The following MIS18BP1 variants were observed in gnomAD, a reference collection of about 807,000 sequenced individuals.
MIS18BP1 encodes the protein mis18-binding protein 1.
In MIS18BP1, 72 loss-of-function variants were observed where a neutral mutation model predicts 116.1. The ratio of observed to expected loss-of-function variants is 0.62; its 90% CI spans 0.51 to 0.75. MIS18BP1 has a LOEUF of 0.75. Ranked by LOEUF, MIS18BP1 falls within the 30% of genes least tolerant of loss-of-function variation. The pLI, the probability that MIS18BP1 is intolerant of heterozygous loss-of-function variation, is 0.00. For missense variants in MIS18BP1, 1,363 were observed against 1,303.2 expected (o/e 1.05, Z -0.71); for synonymous variants, 386 against 427.0 (o/e 0.90, Z 1.18).
intron 14 of MIS18BP1, among the ~76,000 whole-genome samples, chr14:45,206,848 T>C (rs1400692274): frequency 1.3e-5 from 2 of 152,184 alleles, no homozygotes; most frequent in Non-Finnish European, 2.9e-5. Flanking sequence ...TACCATTATC[T>C]CTCCTGTTCA....
rs1484596325 is a variant in MIS18BP1 at position 45,242,468 on chromosome 14, G to A, written c.709C>T (p.Arg237Ter). ...TGAGCTCTAGTTAATGTCTTGTTTC[G>A]GGCTTCTACAGCCAAAAAATTTTCC... Reference protein sequence around the residue: ...EQENFLAVEARNKTLTRAQLA... With the variant: ...EQENFLAVEA The change falls in exon 4 of 17, where the codon CGA becomes TGA. Residue 237 changes from arginine (R) to a stop codon, truncating the protein, a stop_gained. Coordinates refer to ENST00000310806, the MANE Select transcript of MIS18BP1 (RefSeq NM_018353.5). LOFTEE classifies it high-confidence loss of function. The A allele has an allele frequency of 2.5e-6, 4 of 1,604,340 alleles. No individual in the cohort carries two copies. The highest frequency in any genetic ancestry group is 3.4e-6 in the Non-Finnish European group (4 of 1,177,530).
rs765934295 is a variant in MIS18BP1 at position 45,242,060 on chromosome 14, C to A, written c.1117G>T (p.Val373Phe). The change falls in exon 4 of 17, where the codon GTT (valine) becomes TTT (phenylalanine). Residue 373 changes from valine (V) to phenylalanine (F), a missense_variant. Coordinates refer to ENST00000310806, the MANE Select transcript of MIS18BP1 (RefSeq NM_018353.5). Reference protein sequence around the residue: ...KLSPPRIFQTVTNGLKKNQVV... With the variant: ...KLSPPRIFQTFTNGLKKNQVV... ...TGATTTTTTTTAAGTCCATTTGTAA[C>A]AGTTTGAAATATTCTTGGAGGAGAA... is the stretch of plus-strand genomic sequence containing the variant. The A allele has an allele frequency of 6.2e-7, 1 of 1,609,710 alleles. No homozygotes were observed. Among genetic ancestry groups the A allele is most frequent in the Non-Finnish European group, 8.5e-7 (1 of 1,178,330 alleles).
rs188544042 is a variant in MIS18BP1, at chr14:45,203,896, A to G, written c.*213T>C. 1.8e-5 allele frequency: 7 copies of G among 382,710 alleles called. No homozygotes were observed. Among genetic ancestry groups the G allele is most frequent in the African/African-American group, 8.4e-5 (4 of 47,522 alleles). The allele number at this position is 382,710 out of a possible 1,614,324, so 23.7% of individuals were successfully genotyped here. A position where few individuals can be genotyped will look rare whatever the true frequency, so the allele number is the denominator to read the frequency against. On this transcript the variant is annotated 3_prime_UTR_variant, in exon 17 of 17. Transcript: ENST00000310806. The stretch of plus-strand genomic sequence containing the variant: ...TTAATATGCAAAAACAAATTTACAG[A>G]TATCTACACGAGCAAAAACAATTTT...
At chr14:45,232,358 A>G (rs1027463341) in intron 7 of MIS18BP1, among the ~76,000 whole-genome samples, 3 of 149,754 alleles carry the variant, frequency 2.0e-5, no homozygotes, top group Non-Finnish European at 3.0e-5. Context: ...CGGAGCTTGC[A>G]ATGAGCTGAG....
At chr14:45,218,599 A>C in intron 11 of MIS18BP1, 145 bp from the exon 12 acceptor site, 1 of 798,852 alleles carries the variant, frequency 1.3e-6, no homozygotes, top group Non-Finnish European at 1.9e-6. Flanking sequence ...ATTAAGAAAG[A>C]TATTATTCCT....
At chr14:45,210,162 G>T in intron 14 of MIS18BP1, 2 of 386,818 alleles carry the variant, frequency 5.2e-6, no homozygotes, top group Non-Finnish European at 4.5e-6. Flanking sequence ...ATTTCGAATT[G>T]ATCCAGAAGT....
At chr14:45,249,728 G>A (rs552299278) in intron 1 of MIS18BP1, among the ~76,000 whole-genome samples, 139 of 152,188 alleles carry the variant, frequency 9.1e-4, no homozygotes, top group African/African-American at 3.1e-3. Flanking sequence ...AAAATTAGCC[G>A]GATGTGGTGG....
intron 4 of MIS18BP1, among the ~76,000 whole-genome samples, chr14:45,239,604 C>T (rs572552050): frequency 6.6e-6 from 1 of 152,222 alleles, no homozygotes; most frequent in African/African-American, 2.4e-5. Flanking sequence ...TTAGTGTTTT[C>T]TATTGAGATG....
At position 45,206,127 on chromosome 14, in the gene MIS18BP1, TATG is replaced by T. The variant is rs758179544; in HGVS notation, c.3193_3195del (p.His1065del). On this transcript the variant is annotated inframe_deletion, in exon 15 of 17. Coordinates refer to ENST00000310806, the MANE Select transcript of MIS18BP1 (RefSeq NM_018353.5). Reference sequence around the variant, plus strand: ...CCCCAGACAATACCACCATTACTTTTATGATATTTTTGCATACGAAAAACATAT... The same window carrying T: ...CCCCAGACAATACCACCATTACTTTTATATTTTTGCATACGAAAAACATAT... 35 of 1,609,480 alleles carry T rather than the reference TATG, an allele frequency of 2.2e-5. No homozygotes were observed. In the African/African-American group the frequency reaches 2.8e-4, roughly 13 times the overall value.
intron 3 of MIS18BP1, 101 bp from the exon 4 acceptor site, chr14:45,242,619 CA>C (rs1484792929): frequency 4.5e-5 from 67 of 1,472,794 alleles, no homozygotes; most frequent in Non-Finnish European, 6.0e-5. Context: ...CCCTCCTGCC[CA>C]GTCTTTCTCT....
Position 45,227,789 on chromosome 14 carries a change from C to T in MIS18BP1, c.1620G>A (p.Glu540=). 2 of 1,613,986 alleles carry T rather than the reference C, an allele frequency of 1.2e-6. No homozygotes were observed. The highest frequency in any genetic ancestry group is 1.3e-5 in the African/African-American group (1 of 75,026). The change falls in exon 9 of 17, where the codon GAG becomes GAA. Residue 540 remains glutamate (E), a synonymous_variant. Coordinates refer to ENST00000310806, the MANE Select transcript of MIS18BP1 (RefSeq NM_018353.5). ...NLELKSNKHS[E]SPGATELNMC... ...TGTTTAATTCTGTAGCTCCTGGTGA[C>T]TCACTGTGCTTATTACTCTTCAGTT...
At position 45,237,706 on chromosome 14, in the gene MIS18BP1, C is replaced by G; in HGVS notation, c.1159G>C (p.Glu387Gln). The change falls in exon 5 of 17, where the codon GAA (glutamate) becomes CAA (glutamine). Residue 387 changes from glutamate to glutamine, a missense_variant. Transcript: ENST00000310806. ...TTATTGATGCTTTTAATCATCCATT[C>G]CTGTAGCTGAACTACCTAATCAAGT... ...LKKNQVVQLQEWMIKSINNNT... is the reference protein window; with the variant it reads ...LKKNQVVQLQQWMIKSINNNT... 6.2e-7 allele frequency: 1 copy of G among 1,602,346 alleles called. No individual in the cohort carries two copies. The highest frequency in any genetic ancestry group is 2.3e-5 in the East Asian group (1 of 43,948).
chr14:45,206,779 CT>C (rs1890530466), intron 14 of MIS18BP1, among the ~76,000 whole-genome samples: 1 of 152,116 alleles, frequency 6.6e-6, no homozygotes, highest in Non-Finnish European at 1.5e-5. Flanking sequence ...ATCTTGCTGC[CT>C]CTCTTGGTTT....
intron 2 of MIS18BP1, among the ~76,000 whole-genome samples, chr14:45,246,302 A>G (rs560876104): frequency 7.2e-5 from 11 of 152,262 alleles, no homozygotes; most frequent in African/African-American, 2.6e-4. Context: ...TACTCACTCC[A>G]TGACACACTA....
intron 14 of MIS18BP1, 99 bp from the exon 15 acceptor site, chr14:45,206,269 A>G: frequency 1.3e-6 from 1 of 744,570 alleles, no homozygotes. Context: ...TTGAACAACA[A>G]TTGCCTAAAT....
chr14:45,204,457 T>C lies in MIS18BP1; in HGVS notation c.3241-4A>G. The C allele has an allele frequency of 3.1e-6, 5 of 1,589,088 alleles. No individual in the cohort carries two copies. Among genetic ancestry groups the C allele is most frequent in the Non-Finnish European group, 4.3e-6 (5 of 1,170,618 alleles). On this transcript the variant is annotated splice_polypyrimidine_tract_variant and splice_region_variant and intron_variant, in intron 15 of 16. Transcript: ENST00000310806. ...GAGTTGAGAAATCAGTTTCAACCTATAAAAGAGTTACTATTAATAGCTAAA... is the reference window on the plus strand; with the variant it reads ...GAGTTGAGAAATCAGTTTCAACCTACAAAAGAGTTACTATTAATAGCTAAA...
chr14:45,203,455 A>C lies in MIS18BP1; in HGVS notation c.*654T>G, dbSNP rs1229056398. 9 of 152,172 alleles carry C rather than the reference A, an allele frequency of 5.9e-5. No homozygotes were observed. Among genetic ancestry groups the C allele is most frequent in the Admixed American group, 4.6e-4 (7 of 15,276 alleles). 9.4% of individuals were successfully genotyped at this position (152,172 alleles called of 1,614,324 possible). A position where few individuals can be genotyped will look rare whatever the true frequency, so the allele number is the denominator to read the frequency against. Reference sequence around the variant, plus strand: ...TCTGCATATGTAAATAAGGCTTAAAAATTAGAGAACAAAATCTGTTCTCTA... The same window carrying C: ...TCTGCATATGTAAATAAGGCTTAAACATTAGAGAACAAAATCTGTTCTCTA... On this transcript the variant is annotated 3_prime_UTR_variant, in exon 17 of 17. Coordinates refer to ENST00000310806, the MANE Select transcript of MIS18BP1 (RefSeq NM_018353.5).
chr14:45,206,743 ATTGTACCGTC>A (rs537638350), intron 14 of MIS18BP1, among the ~76,000 whole-genome samples: 120 of 152,270 alleles, frequency 7.9e-4, no homozygotes, highest in African/African-American at 2.7e-3. Context: ...CTTACCGTTC[ATTGTACCGTC>A]TACGCTCTTT....
In MIS18BP1 at chr14:45,235,863, G is replaced by T. The variant is rs777473290; in HGVS notation, c.1299C>A (p.Asn433Lys). ...EHNKLRTISGNVYILKGMIDQ... is the reference protein window; with the variant it reads ...EHNKLRTISGKVYILKGMIDQ... ...CTATCATGCCTTTTAATATATAAAC[G>T]TTGCCTGATATAGTCCTAAGTTTGT... is the stretch of plus-strand genomic sequence containing the variant. Residue 433 changes from asparagine to lysine, a missense_variant, in exon 6 of 17, where the codon AAC becomes AAA. Asn to Lys is a moderately conservative substitution (Grantham distance 94). Transcript: ENST00000310806. 4.3e-6 allele frequency: 7 copies of T among 1,609,910 alleles called. No individual in the cohort carries two copies. In the South Asian group the frequency reaches 7.7e-5, roughly 18 times the overall value.
Sources: gnomAD v4.1 joint callset for allele counts (sites outside exome capture counted in the v4.1 genomes callset) on GRCh38, gnomAD v4.1.1 for gene constraint, MANE v1.5 for transcripts, NCBI Gene and HGNC (gene_info 2026-07-23, HGNC 2026-07-21) for gene names.